The following EVI5L variants were observed in gnomAD, a reference collection of about 807,000 sequenced individuals.
The protein encoded by EVI5L is EVI5-like protein.
A neutral mutation model predicts 106.1 loss-of-function variants in EVI5L; 30 were observed. The ratio of observed to expected loss-of-function variants is 0.28; its 90% CI spans 0.21 to 0.38. The LOEUF (loss-of-function observed/expected upper bound fraction) is 0.38. EVI5L is among the 10% of genes least tolerant of loss of function. The pLI, the probability that EVI5L is intolerant of heterozygous loss-of-function variation, is 1.00. For synonymous variants in EVI5L, 489 were observed against 483.3 expected (o/e 1.01, Z -0.15); for missense variants, 809 against 1,098.0 (o/e 0.74, Z 3.72).
chr19:7,837,758 T>C (rs1043231591), intron 1 of EVI5L, among the ~76,000 whole-genome samples: 1 of 150,986 alleles, frequency 6.6e-6, no homozygotes, highest in East Asian at 2.0e-4. Flanking sequence ...TGGAGTGCAA[T>C]TGTGGTGCAG....
In EVI5L at chr19:7,849,445, A is replaced by T. The variant is rs189367009; in HGVS notation, c.627+115A>T. On this transcript the variant is annotated intron_variant, in intron 5 of 19. Transcript: ENST00000538904. ...CCACCCAGCGTCTTGCTAGGGGTAG[A>T]TCCTCCTTCTCCATCCACACCCGTG... 99 of 1,133,712 alleles carry T rather than the reference A, an allele frequency of 8.7e-5. 1 individual carries two copies. The East Asian group carries it at 2.3e-3, about 26-fold the overall frequency. The allele number at this position is 1,133,712 out of a possible 1,614,324, so 70.2% of individuals were successfully genotyped here. A position where few individuals can be genotyped will look rare whatever the true frequency, so the allele number is the denominator to read the frequency against.
At chr19:7,840,034 C>T (rs1430815032) in intron 1 of EVI5L, among the ~76,000 whole-genome samples, 2 of 152,160 alleles carry the variant, frequency 1.3e-5, no homozygotes, top group African/African-American at 4.8e-5. Flanking sequence ...GGGGAACACC[C>T]AGGCCTGGCC....
In EVI5L at chr19:7,853,493, A is replaced by C. The variant is rs1349393618; in HGVS notation, c.1146+160A>C. ...CCTCCGCCCACCTGCGCCGTCCTTC[A>C]CCTGTTAGGCCAGCTGTGAGCGCCT... On this transcript the variant is annotated intron_variant, in intron 10 of 19. Transcript: ENST00000538904. 18 of 951,502 alleles carry C rather than the reference A, an allele frequency of 1.9e-5. 1 individual carries two copies. Among genetic ancestry groups the C allele is most frequent in the Middle Eastern group, 3.2e-4 (1 of 3,094 alleles). 58.9% of individuals were successfully genotyped at this position (951,502 alleles called of 1,614,324 possible). A position where few individuals can be genotyped will look rare whatever the true frequency, so the allele number is the denominator to read the frequency against.
At chr19:7,862,625 G>A in intron 17 of EVI5L, 91 bp downstream of exon 17, 1 of 1,181,390 alleles carries the variant, frequency 8.5e-7, no homozygotes, top group Non-Finnish European at 1.1e-6. Flanking sequence ...CTCTGCCGGC[G>A]TCCTGCCTCC....
At chr19:7,840,069 G>A (rs1182548891) in intron 1 of EVI5L, among the ~76,000 whole-genome samples, 2 of 152,180 alleles carry the variant, frequency 1.3e-5, no homozygotes, top group East Asian at 1.9e-4. Flanking sequence ...GAGGTGGCAG[G>A]TGGCACCGGG....
At chr19:7,839,808 A>G (rs1978518781) in intron 1 of EVI5L, among the ~76,000 whole-genome samples, 1 of 152,200 alleles carries the variant, frequency 6.6e-6, no homozygotes, top group Admixed American at 6.5e-5. Context: ...CTGTGGTCCC[A>G]GATACTCAGG....
intron 14 of EVI5L, 150 bp from the exon 15 acceptor site, chr19:7,861,728 C>G: frequency 6.7e-6 from 7 of 1,039,760 alleles, no homozygotes; most frequent in Non-Finnish European, 8.1e-6. Flanking sequence ...CGAGTCCGCT[C>G]CCCGTGGGCC....
chr19:7,850,546 G>A lies in EVI5L; in HGVS notation c.753+424G>A, dbSNP rs1019701904. 6.6e-6 allele frequency among the ~76,000 whole-genome samples: 1 copy of A among 152,156 alleles called. No homozygotes were observed. Among genetic ancestry groups the A allele is most frequent in the Admixed American group, 6.5e-5 (1 of 15,278 alleles). Reference sequence around the variant, plus strand: ...GCAGCCCCCGCAGGGCCTGCTCCCGGCTGGCAGGCAGAGCCGCCAAGGCCG... The same window carrying A: ...GCAGCCCCCGCAGGGCCTGCTCCCGACTGGCAGGCAGAGCCGCCAAGGCCG... On this transcript the variant is annotated intron_variant, in intron 6 of 19. Transcript: ENST00000538904. This position sits in a 1 kb window ranked among gnomAD's most constrained non-coding sequence, Gnocchi z 5.4.
intron 1 of EVI5L, among the ~76,000 whole-genome samples, chr19:7,840,671 TATGG>T (rs55701905): frequency 0.15 from 23,514 of 152,090 alleles, 2,367 homozygotes; most frequent in Middle Eastern, 0.22. Flanking sequence ...TTTCTGTCTC[TATGG>T]ATTGCCTATT....
Position 7,863,449 on chromosome 19 carries a change from C to T in EVI5L, c.2165C>T (p.Pro722Leu). ...GTGCGGCTGCTGAAGGGCCCGCCGC[C>T]CTTCGAGGACCCGCTGGCTTTCGAT... ...AEVRLLKGPPPFEDPLAFDGL... is the reference protein window; with the variant it reads ...AEVRLLKGPPLFEDPLAFDGL... Residue 722 changes from proline (P) to leucine (L), a missense_variant, in exon 20 of 20, where the codon CCC becomes CTC. Physicochemically the swap from Pro to Leu is moderately conservative, Grantham distance 98. Transcript: ENST00000538904. This position sits in a 1 kb window ranked among gnomAD's most constrained non-coding sequence, Gnocchi z 7.7. The T allele has an allele frequency of 6.4e-7, 1 of 1,554,514 alleles. No homozygotes were observed. Among genetic ancestry groups the T allele is most frequent in the Non-Finnish European group, 8.7e-7 (1 of 1,150,660 alleles).
rs764774951 is a variant in EVI5L, at chr19:7,860,655, G to A, written c.1469G>A (p.Arg490Gln). Reference protein sequence around the residue: ...LRETETLGALREMQDKVLDME... With the variant: ...LRETETLGALQEMQDKVLDME... ...GAGACGGAGACACTGGGGGCCCTTCGGGAGATGCAGGACAAGGTTCTCGAC... is the reference window on the plus strand; with the variant it reads ...GAGACGGAGACACTGGGGGCCCTTCAGGAGATGCAGGACAAGGTTCTCGAC... Residue 490 changes from arginine (R) to glutamine (Q), a missense_variant, in exon 14 of 20, where the codon CGG (arginine) becomes CAG (glutamine). By Grantham distance (43) the Arg-to-Gln change is conservative. This residue lies in a region of EVI5L where 452 missense variants were observed against 509.9 expected (regional missense o/e 0.89). Coordinates refer to ENST00000538904, the MANE Select transcript of EVI5L (RefSeq NM_001159944.3). The A allele has an allele frequency of 8.2e-6, 13 of 1,592,486 alleles. No individual in the cohort carries two copies. The highest frequency in any genetic ancestry group is 2.3e-5 in the East Asian group (1 of 43,914).
chr19:7,841,052 G>A (rs1358988967), intron 1 of EVI5L, among the ~76,000 whole-genome samples: 1 of 152,120 alleles, frequency 6.6e-6, no homozygotes, highest in Non-Finnish European at 1.5e-5. Context: ...TTTACTGCAA[G>A]CATTTATCTC....
intron 1 of EVI5L, among the ~76,000 whole-genome samples, chr19:7,838,092 T>G (rs1978428880): frequency 9.6e-6 from 1 of 103,906 alleles, no homozygotes; most frequent in Non-Finnish European, 2.1e-5. Flanking sequence ...TTTTTTTTGG[T>G]TGGTTTTTTT....
In EVI5L at chr19:7,862,155, T is replaced by C. The variant is rs755120491; in HGVS notation, c.1678T>C (p.Ser560Pro). The change falls in exon 16 of 20, where the codon TCC (serine) becomes CCC (proline). Residue 560 changes from serine (S) to proline (P), a missense_variant. Ser to Pro is a moderately conservative substitution (Grantham distance 74). Coordinates refer to ENST00000538904, the MANE Select transcript of EVI5L (RefSeq NM_001159944.3). ...GGCCCGCGGCGGCCGCTGGAAGGAG[T>C]CCCCACGGAAGCTGGTCGTGGGCGA... ...HLARGGRWKESPRKLVVGELQ... is the reference protein window; with the variant it reads ...HLARGGRWKEPPRKLVVGELQ... 3.6e-5 allele frequency: 57 copies of C among 1,574,174 alleles called. No individual in the cohort carries two copies. Among genetic ancestry groups the C allele is most frequent in the African/African-American group, 5.4e-5 (4 of 73,858 alleles).
At chr19:7,837,602 C>G (rs955207027) in intron 1 of EVI5L, among the ~76,000 whole-genome samples, 1 of 152,178 alleles carries the variant, frequency 6.6e-6, no homozygotes, top group Non-Finnish European at 1.5e-5. Flanking sequence ...GACATTTAGT[C>G]GTCATGTCTC....
rs888670761 is a variant in EVI5L, at chr19:7,835,109, C to T, written c.-48+4728C>T. On this transcript the variant is annotated intron_variant, in intron 1 of 19. Coordinates refer to ENST00000538904, the MANE Select transcript of EVI5L (RefSeq NM_001159944.3). The surrounding 1 kb of genome is among the most constrained non-coding windows in gnomAD (Gnocchi z 4.1). Reference sequence around the variant, plus strand: ...CTATGATTGTACCACTATACTGCAGCCTGGGTGACAAAACAAGACCCTGTC... The same window carrying T: ...CTATGATTGTACCACTATACTGCAGTCTGGGTGACAAAACAAGACCCTGTC... Among the ~76,000 whole-genome samples, 20 of 151,672 alleles carry T rather than the reference C, an allele frequency of 1.3e-4. 1 individual carries two copies. The highest frequency in any genetic ancestry group is 4.6e-4 in the African/African-American group (19 of 41,290).
At chr19:7,831,865 A>C (rs1446372362) in intron 1 of EVI5L, among the ~76,000 whole-genome samples, 3 of 152,178 alleles carry the variant, frequency 2.0e-5, no homozygotes, top group African/African-American at 7.2e-5. Context: ...TTTCACCCAC[A>C]ACTAGTGTGT....
intron 17 of EVI5L, among the ~76,000 whole-genome samples, chr19:7,862,747 C>CCG (rs1480734964): frequency 4.0e-5 from 5 of 124,620 alleles, no homozygotes; most frequent in African/African-American, 1.5e-4. Context: ...ACCACCCCCC[C>CCG]CCGCGGTCCC....
At chr19:7,854,274 T>G (rs1436478144) in intron 10 of EVI5L, among the ~76,000 whole-genome samples, 1 of 132,414 alleles carries the variant, frequency 7.6e-6, no homozygotes, top group Non-Finnish European at 1.6e-5. Context: ...AGAGTGAGAC[T>G]GTGTCTCAAA....
Sources: allele counts gnomAD v4.1 joint callset (sites outside exome capture counted in the v4.1 genomes callset), GRCh38; gene constraint gnomAD v4.1.1; regional missense constraint gnomAD v4.1.1; non-coding constraint Gnocchi (gnomAD v3.1); transcripts MANE v1.5; gene names NCBI Gene and HGNC (gene_info 2026-07-23, HGNC 2026-07-21).